Variants in IKZF4 observed in about 807,000 individuals in gnomAD.
IKZF4 encodes zinc finger protein Eos.
In IKZF4, 11 loss-of-function variants were observed where a neutral mutation model predicts 47.7. The ratio of observed to expected loss-of-function variants is 0.23; its 90% CI spans 0.15 to 0.38. The LOEUF is 0.38. Among genes scored for constraint, IKZF4 ranks in the 10% least tolerant of loss-of-function variants. The pLI, the probability that IKZF4 is intolerant of heterozygous loss-of-function variation, is 1.00. For missense variants in IKZF4, 557 were observed against 784.9 expected, an observed-to-expected ratio of 0.71 and a Z score of 3.47; for synonymous variants, 298 against 299.4, an observed-to-expected ratio of 1.00 and a Z score of 0.05.
rs1044843136 is a variant in IKZF4 at position 56,033,261 on chromosome 12, A to T, written c.937A>T (p.Ile313Phe). 3.1e-6 allele frequency: 5 copies of T among 1,614,032 alleles called. No individual in the cohort carries two copies. The South Asian group carries it at 5.5e-5, about 18-fold the overall frequency. ...LHSSSERPTF[I>F]DRLANSLTKR... The stretch of plus-strand genomic sequence containing the variant: ...CTCATCCTCTGAGCGGCCAACTTTC[A>T]TCGATCGTCTGGCCAATAGCCTCAC... The change falls in exon 7 of 8, where the codon ATC (isoleucine) becomes TTC (phenylalanine). Residue 313 changes from isoleucine (I) to phenylalanine (F), a missense_variant. This residue lies in a region of IKZF4 where 280 missense variants were observed against 314.0 expected (regional missense o/e 0.89). Transcript: ENST00000547167.
intron 4 of IKZF4, 124 bp downstream of exon 4, chr12:56,027,165 A>G (rs1894159498): frequency 1.5e-6 from 1 of 668,794 alleles, no homozygotes; most frequent in Non-Finnish European, 2.0e-6. Flanking sequence ...AGCCTCAGAA[A>G]GGGAAGGGTC....
chr12:56,032,316 C>A, intron 5 of IKZF4: 1 of 455,396 alleles, frequency 2.2e-6, no homozygotes, highest in African/African-American at 2.0e-5. Flanking sequence ...AACCCACCAC[C>A]AGTCTGAAGC....
At position 56,021,349 on chromosome 12, in the gene IKZF4, C is replaced by A; in HGVS notation, c.-145C>A. 1 of 1,542,052 alleles carries A rather than the reference C, an allele frequency of 6.5e-7. No individual in the cohort carries two copies. The highest frequency in any genetic ancestry group is 1.2e-5 in the South Asian group (1 of 83,916). On this transcript the variant is annotated 5_prime_UTR_variant, in exon 1 of 8. Coordinates refer to ENST00000547167, the MANE Select transcript of IKZF4 (RefSeq NM_022465.4). ...CACATACACCCTGGGCTGAGCTGCTCTTGCTGGCTGCAGCCGTGGGCCTCT... is the reference window on the plus strand; with the variant it reads ...CACATACACCCTGGGCTGAGCTGCTATTGCTGGCTGCAGCCGTGGGCCTCT...
intron 1 of IKZF4, chr12:56,010,572 C>T (rs928790873): frequency 2.0e-5 from 3 of 152,068 alleles, no homozygotes; most frequent in African/African-American, 2.4e-5. Flanking sequence ...GTCAGCAAGA[C>T]GCAGACCCAA....
intron 1 of IKZF4, chr12:56,011,179 G>GC (rs11395445): frequency 0.99 from 150,447 of 152,300 alleles, 74,338 homozygotes; most frequent in East Asian, 1. Flanking sequence ...CTCCACCCCT[G>GC]CCAAACATAC....
chr12:56,013,256 C>T (rs1592865584), intron 2 of IKZF4, among the ~76,000 whole-genome samples: 1 of 151,934 alleles, frequency 6.6e-6, no homozygotes, highest in Non-Finnish European at 1.5e-5. Context: ...AGTGCAATGG[C>T]GTGATCTCGG....
Position 56,021,292 on chromosome 12 carries a change from T to TCCCACA in IKZF4, c.-201_-200insCCACAC, listed in dbSNP as rs780516239. On this transcript the variant is annotated 5_prime_UTR_variant, in exon 1 of 8. Transcript: ENST00000547167. ...TTCTCTCCCTCTCTCTCTCTCTCTC[T>TCCCACA]CTCACACACACACACACACACACAC... 2 of 843,124 alleles carry TCCCACA rather than the reference T, an allele frequency of 2.4e-6. No homozygotes were observed. The highest frequency in any genetic ancestry group is 4.5e-5 in the South Asian group (2 of 44,426). 52.2% of individuals were successfully genotyped at this position (843,124 alleles called of 1,614,324 possible).
At chr12:56,022,540 C>G (rs1316984572) in intron 1 of IKZF4, among the ~76,000 whole-genome samples, 1 of 152,192 alleles carries the variant, frequency 6.6e-6, no homozygotes, top group Non-Finnish European at 1.5e-5. Context: ...AAATCTTACT[C>G]TAGTCCCCTC....
chr12:56,034,477 A>C (rs1895416284), intron 7 of IKZF4, 94 bp from the exon 8 acceptor site: 1 of 1,305,878 alleles, frequency 7.7e-7, no homozygotes, highest in Non-Finnish European at 1.1e-6. Flanking sequence ...ATAATGTTAC[A>C]CCCAGCCCCA....
chr12:56,034,844 G>A lies in IKZF4; in HGVS notation c.1271G>A (p.Gly424Glu), dbSNP rs1895473140. The A allele has an allele frequency of 3.7e-6, 6 of 1,613,292 alleles. No individual in the cohort carries two copies. The highest frequency in any genetic ancestry group is 5.1e-6 in the Non-Finnish European group (6 of 1,179,632). The part of the protein sequence containing the change: ...ELPGSREAGE[G>E]PEDLADGGPL... ...CCAGGATCCCGAGAAGCAGGTGAGGGACCTGAGGACCTGGCTGATGGAGGT... is the reference window on the plus strand; with the variant it reads ...CCAGGATCCCGAGAAGCAGGTGAGGAACCTGAGGACCTGGCTGATGGAGGT... The change falls in exon 8 of 8, where the codon GGA (glycine) becomes GAA (glutamate). Residue 424 changes from glycine (G) to glutamate (E), a missense_variant. Gly to Glu is a moderately conservative substitution (Grantham distance 98, BLOSUM62 -2). Around this residue, in one of 6 missense-constraint regions of IKZF4, gnomAD observed 280 missense variants for 314.0 expected, o/e 0.89. Coordinates refer to ENST00000547167, the MANE Select transcript of IKZF4 (RefSeq NM_022465.4).
At chr12:56,020,898 G>C, upstream of IKZF4, 1 of 989,144 alleles carries the variant, frequency 1.0e-6, no homozygotes. Context: ...GCCTCTCTGA[G>C]AGCCTTGAAG....
intron 1 of IKZF4, among the ~76,000 whole-genome samples, chr12:56,023,375 G>A (rs929613235): frequency 6.6e-6 from 1 of 152,188 alleles, no homozygotes; most frequent in African/African-American, 2.4e-5. Context: ...TAGTTGAAAG[G>A]ATATATTTAA....
intron 2 of IKZF4, among the ~76,000 whole-genome samples, chr12:56,012,051 G>T (rs1430097842): frequency 2.6e-5 from 4 of 152,076 alleles, no homozygotes; most frequent in Non-Finnish European, 4.4e-5. Context: ...CAAGGCACAT[G>T]GGAAGTTCTG....
intron 6 of IKZF4, 45 bp from the exon 7 acceptor site, chr12:56,033,145 A>G: frequency 6.2e-7 from 1 of 1,606,138 alleles, no homozygotes. Flanking sequence ...GGCCAATGCT[A>G]CCCCTACTCA....
At chr12:56,016,860 C>T (rs1892150090), upstream of IKZF4, among the ~76,000 whole-genome samples, 1 of 152,002 alleles carries the variant, frequency 6.6e-6, no homozygotes, top group Admixed American at 6.6e-5. Flanking sequence ...TCCCAGAGTA[C>T]TGGGATTACA....
chr12:56,028,004 A>C, intron 5 of IKZF4, 57 bp downstream of exon 5: 1 of 1,475,842 alleles, frequency 6.8e-7, no homozygotes, highest in Middle Eastern at 2.0e-4. Flanking sequence ...CAGTATGTAG[A>C]GCTCAGTGAC....
intron 5 of IKZF4, among the ~76,000 whole-genome samples, chr12:56,030,725 G>A (rs1276507602): frequency 6.7e-6 from 1 of 148,544 alleles, no homozygotes; most frequent in Non-Finnish European, 1.5e-5. Flanking sequence ...GTGAAACTCC[G>A]TCTCAAAAAA....
At position 56,026,303 on chromosome 12, in the gene IKZF4, G is replaced by A. The variant is rs548740217; in HGVS notation, c.287-478G>A. The stretch of plus-strand genomic sequence containing the variant: ...GAAAAGGTTGTCTCAGGTTCCAGTA[G>A]GATTCTGATATCAGCAGCAGGGATA... On this transcript the variant is annotated intron_variant, in intron 3 of 7. Coordinates refer to ENST00000547167, the MANE Select transcript of IKZF4 (RefSeq NM_022465.4). 1.8e-4 allele frequency among the ~76,000 whole-genome samples: 27 copies of A among 152,188 alleles called. 1 individual carries two copies. The highest frequency in any genetic ancestry group is 8.3e-4 in the South Asian group (4 of 4,818).
At chr12:56,024,672 G>A (rs944670129) in intron 2 of IKZF4, 14 of 1,063,084 alleles carry the variant, frequency 1.3e-5, no homozygotes, top group East Asian at 8.9e-5. Flanking sequence ...ATCCTGAACC[G>A]GCTGGGGGCT....
Sources: gnomAD v4.1 joint callset for allele counts (sites outside exome capture counted in the v4.1 genomes callset) on GRCh38, gnomAD v4.1.1 for gene constraint, gnomAD v4.1.1 regional missense constraint, MANE v1.5 for transcripts, NCBI Gene and HGNC (gene_info 2026-07-23, HGNC 2026-07-21) for gene names.